YTHDC1: variants seen among roughly 807,000 people sequenced by gnomAD.
The protein encoded by YTHDC1 is YTH domain-containing protein 1.
Under a neutral mutation model 107.0 loss-of-function variants are expected in YTHDC1, and 12 were observed. That is an observed-to-expected ratio of 0.11 (90% CI 0.07 to 0.18). The LOEUF is 0.18. YTHDC1 is among the 10% of genes least tolerant of loss of function. YTHDC1 has a pLI of 1.00. For missense variants in YTHDC1, 635 were observed against 898.8 expected (o/e 0.71, Z 3.75); for synonymous variants, 280 against 289.5 (o/e 0.97, Z 0.33).
At chr4:68,343,259 C>A (rs1293690468) in intron 1 of YTHDC1, among the ~76,000 whole-genome samples, 1 of 151,772 alleles carries the variant, frequency 6.6e-6, no homozygotes, top group South Asian at 2.1e-4. Flanking sequence ...AGTGCAGTGG[C>A]GCAATCTGGG....
At chr4:68,328,033 C>G (rs1014650403) in intron 9 of YTHDC1, among the ~76,000 whole-genome samples, 4 of 152,170 alleles carry the variant, frequency 2.6e-5, no homozygotes, top group Non-Finnish European at 5.9e-5. Flanking sequence ...CTGTCTACCT[C>G]TTCGGTTGCT....
chr4:68,316,191 A>C, intron 16 of YTHDC1, 123 bp downstream of exon 16: 1 of 1,138,708 alleles, frequency 8.8e-7, no homozygotes, highest in Admixed American at 2.6e-5. Flanking sequence ...CAATTATTCC[A>C]AAACAGTCTG....
chr4:68,345,390 A>G (rs138418331), intron 1 of YTHDC1, among the ~76,000 whole-genome samples: 105 of 152,322 alleles, frequency 6.9e-4, no homozygotes, highest in African/African-American at 2.5e-3. Context: ...TTTCTAACAC[A>G]AGGTACCAAA....
intron 15 of YTHDC1, among the ~76,000 whole-genome samples, chr4:68,316,764 A>G (rs557899614): frequency 4.6e-5 from 7 of 152,306 alleles, no homozygotes; most frequent in African/African-American, 1.7e-4. Flanking sequence ...CAGCAACCTT[A>G]TGAGATAGAT....
intron 7 of YTHDC1, among the ~76,000 whole-genome samples, chr4:68,331,393 G>T (rs569190528): frequency 6.6e-5 from 10 of 152,092 alleles, no homozygotes; most frequent in Non-Finnish European, 1.3e-4. Flanking sequence ...TAGTCCTTAA[G>T]GTAGAAATAT....
Position 68,337,463 on chromosome 4 carries a change from GA to G in YTHDC1, c.460-14del. The stretch of plus-strand genomic sequence containing the variant: ...CAAGCCCAATTCTCTGATGTTTAAA[GA>G]AAAAGGGAATCAGCAGTCATATAAA... On this transcript the variant is annotated splice_polypyrimidine_tract_variant and intron_variant, in intron 3 of 16. Transcript: ENST00000344157. The G allele has an allele frequency of 6.2e-7, 1 of 1,608,670 alleles. No homozygotes were observed. The highest frequency in any genetic ancestry group is 8.5e-7 in the Non-Finnish European group (1 of 1,177,564).
chr4:68,320,047 T>A, intron 12 of YTHDC1, 76 bp downstream of exon 12: 2 of 1,285,010 alleles, frequency 1.6e-6, no homozygotes, highest in Non-Finnish European at 2.2e-6. Context: ...TGCAGGATTG[T>A]GAGGGTTGTT....
intron 10 of YTHDC1, 141 bp downstream of exon 10, chr4:68,323,998 T>C (rs1191376893): frequency 1.5e-6 from 1 of 682,396 alleles, no homozygotes; most frequent in African/African-American, 1.8e-5. Flanking sequence ...TCACAGTTAT[T>C]ATAAACTTCA....
intron 7 of YTHDC1, among the ~76,000 whole-genome samples, chr4:68,330,726 A>G (rs941977982): frequency 6.6e-6 from 1 of 152,080 alleles, no homozygotes; most frequent in African/African-American, 2.4e-5. Context: ...AAATTACTCT[A>G]TTAGTCAAGA....
At chr4:68,318,768 T>C (rs1440789383) in intron 13 of YTHDC1, 39 bp from the exon 14 acceptor site, 2 of 1,613,974 alleles carry the variant, frequency 1.2e-6, no homozygotes, top group Non-Finnish European at 1.7e-6. Context: ...ATTCAGGTAA[T>C]TCATAAACTA....
chr4:68,333,184 C>T (rs1303254982), intron 5 of YTHDC1, 124 bp downstream of exon 5: 4 of 701,730 alleles, frequency 5.7e-6, no homozygotes, highest in South Asian at 4.1e-5. Context: ...AATTATTACA[C>T]TGAACATGCC....
rs766774729 is a variant in YTHDC1 at position 68,349,747 on chromosome 4, C to T, written c.7G>A (p.Ala3Thr). The T allele has an allele frequency of 2.5e-6, 4 of 1,613,440 alleles. No homozygotes were observed. The African/African-American group carries it at 5.3e-5, about 22-fold the overall frequency. Residue 3 changes from alanine (A) to threonine (T), a missense_variant, in exon 1 of 17, where the codon GCT becomes ACT. By Grantham distance (58) the Ala-to-Thr change is moderately conservative. This residue lies in a region of YTHDC1 where 21 missense variants were observed against 21.4 expected (regional missense o/e 0.98). Transcript: ENST00000344157. ...TAACCTTTCTCCTCCCGACTGTCAG[C>T]CGCCATGGCTCCCCTTCGGTTTCCG... MA[A>T]DSREEKDGEL...
intron 1 of YTHDC1, among the ~76,000 whole-genome samples, chr4:68,344,948 CAG>C (rs1238916481): frequency 3.3e-5 from 5 of 152,080 alleles, no homozygotes; most frequent in Non-Finnish European, 1.5e-5. Flanking sequence ...GGAGAATCAC[CAG>C]AGTCTGGGAG....
chr4:68,317,536 T>G (rs1272831860), intron 15 of YTHDC1, among the ~76,000 whole-genome samples: 1 of 152,222 alleles, frequency 6.6e-6, no homozygotes, highest in African/African-American at 2.4e-5. Context: ...TCTTGAAAAT[T>G]AATGCTTCAG....
In YTHDC1 at chr4:68,310,770, GGTCA is replaced by G. The variant is rs2109663027; in HGVS notation, c.*3325_*3328del. 1 of 152,232 alleles carries G rather than the reference GGTCA, an allele frequency of 6.6e-6. No individual in the cohort carries two copies. The highest frequency in any genetic ancestry group is 1.9e-4 in the East Asian group (1 of 5,162). The allele number at this position is 152,232 out of a possible 1,614,324, so 9.4% of individuals were successfully genotyped here. A position where few individuals can be genotyped will look rare whatever the true frequency, so the allele number is the denominator to read the frequency against. On this transcript the variant is annotated 3_prime_UTR_variant, in exon 17 of 17. Transcript: ENST00000344157. ...ACGTTGGGTCAGGGAACTCTAGCTT[GGTCA>G]GTTAACTGCTGGCAACAGTTCCTTC...
chr4:68,327,236 CAAAAG>C lies in YTHDC1; in HGVS notation c.1349+2761_1349+2765del, dbSNP rs371529743. On this transcript the variant is annotated intron_variant, in intron 9 of 16. Coordinates refer to ENST00000344157, the MANE Select transcript of YTHDC1 (RefSeq NM_001031732.4). ...GGGCAACAAGAGCGAAACTCCGTCT[CAAAAG>C]AAAAGAAAAGAAAAATGGAGAGACT... Among the ~76,000 whole-genome samples, 477 of 151,410 alleles carry C rather than the reference CAAAAG, an allele frequency of 3.2e-3. 1 individual carries two copies. Among genetic ancestry groups the C allele is most frequent in the African/African-American group, 0.011 (442 of 41,234 alleles).
rs571197224 is a variant in YTHDC1, at chr4:68,311,943, T to G, written c.*2156A>C. 9 of 152,196 alleles carry G rather than the reference T, an allele frequency of 5.9e-5. No individual in the cohort carries two copies. Among genetic ancestry groups the G allele is most frequent in the Non-Finnish European group, 1.0e-4 (7 of 68,038 alleles). The allele number at this position is 152,196 out of a possible 1,614,324, so 9.4% of individuals were successfully genotyped here. On this transcript the variant is annotated 3_prime_UTR_variant, in exon 17 of 17. Transcript: ENST00000344157. ...CAGGTGAGGTCACTTGAGGTCGAGT[T>G]TGAGACCAGCCTGGCCAACATGTTG... is the stretch of plus-strand genomic sequence containing the variant.
chr4:68,338,556 A>G (rs1027818871), intron 1 of YTHDC1, 172 bp from the exon 2 acceptor site: 6 of 547,270 alleles, frequency 1.1e-5, no homozygotes, highest in Non-Finnish European at 1.9e-5. Context: ...AAACTAATAC[A>G]GGGTAAAGAA....
At chr4:68,330,827 T>G (rs1723501322) in intron 7 of YTHDC1, among the ~76,000 whole-genome samples, 5 of 152,132 alleles carry the variant, frequency 3.3e-5, no homozygotes, top group Admixed American at 3.3e-4. Flanking sequence ...GAGGCCTACG[T>G]TTTACCTACA....
Sources: gnomAD v4.1 joint callset for allele counts (sites outside exome capture counted in the v4.1 genomes callset) on GRCh38, gnomAD v4.1.1 for gene constraint, gnomAD v4.1.1 regional missense constraint, MANE v1.5 for transcripts, NCBI Gene and HGNC (gene_info 2026-07-23, HGNC 2026-07-21) for gene names.